Variants in TGFA observed in about 807,000 individuals in gnomAD.
The protein encoded by TGFA is transforming growth factor alpha.
Under a neutral mutation model 21.7 loss-of-function variants are expected in TGFA, and 12 were observed. That is an observed-to-expected ratio of 0.55 (90% CI 0.35 to 0.90). TGFA has a LOEUF of 0.90. TGFA is among the 40% of genes least tolerant of loss of function. The pLI is 0.01. For synonymous variants in TGFA, 79 were observed against 88.1 expected (o/e 0.90, Z 0.58); for missense variants, 178 against 210.8 (o/e 0.84, Z 0.96).
intron 1 of TGFA, among the ~76,000 whole-genome samples, chr2:70,538,669 A>G (rs985844612): frequency 6.6e-6 from 1 of 152,234 alleles, no homozygotes; most frequent in Admixed American, 6.5e-5. Context: ...ATAAAATTTG[A>G]ACAGATGTAG....
chr2:70,552,765 G>T (rs552821681), intron 1 of TGFA, among the ~76,000 whole-genome samples: 53 of 152,344 alleles, frequency 3.5e-4, no homozygotes, highest in African/African-American at 1.3e-3. Flanking sequence ...ACCCTGCAGC[G>T]AGCCGCATGC....
intron 1 of TGFA, among the ~76,000 whole-genome samples, chr2:70,530,350 A>C (rs1302854892): frequency 6.6e-6 from 1 of 152,228 alleles, no homozygotes; most frequent in Non-Finnish European, 1.5e-5. Context: ...CCTGGAATGA[A>C]GGCTTTGTCC....
chr2:70,492,624 C>T (rs572552699), intron 2 of TGFA, among the ~76,000 whole-genome samples: 2 of 152,338 alleles, frequency 1.3e-5, no homozygotes, highest in African/African-American at 4.8e-5. Context: ...TTTCTTCTCT[C>T]ACTGTATGAG....
Position 70,453,318 on chromosome 2 carries a change from C to T in TGFA, c.375G>A (p.Gln125=). ...GGCACCACTCACAGTGTTTTCGGAC[C>T]TGGCAGCAGCTGCAAAGACACAGAG... is the stretch of plus-strand genomic sequence containing the variant. The part of the protein sequence containing the change: ...IITCVLIHCC[Q]VRKHCEWCRA... Residue 125 remains glutamine (Q), a synonymous_variant, in exon 5 of 6, where the codon CAG becomes CAA. Coordinates refer to ENST00000295400, the MANE Select transcript of TGFA (RefSeq NM_003236.4). 1 of 1,613,296 alleles carries T rather than the reference C, an allele frequency of 6.2e-7. No individual in the cohort carries two copies.
At chr2:70,470,813 C>A (rs1553493065) in intron 2 of TGFA, among the ~76,000 whole-genome samples, 1 of 152,098 alleles carries the variant, frequency 6.6e-6, no homozygotes, top group Admixed American at 6.5e-5. Context: ...ATGAAGGGAG[C>A]TTGATGCTAG....
chr2:70,535,618 A>C (rs1553504264), intron 1 of TGFA, among the ~76,000 whole-genome samples: 1 of 152,252 alleles, frequency 6.6e-6, no homozygotes, highest in African/African-American at 2.4e-5. Flanking sequence ...GATAGCATAG[A>C]TATTCCACAT....
chr2:70,496,301 A>T (rs545162625), intron 2 of TGFA, among the ~76,000 whole-genome samples: 94 of 152,328 alleles, frequency 6.2e-4, no homozygotes, highest in Non-Finnish European at 9.8e-4. Context: ...CTCAAGGCAG[A>T]TCTCCACAGC....
chr2:70,456,312 C>G, intron 4 of TGFA, 27 bp downstream of exon 4: 1 of 1,533,096 alleles, frequency 6.5e-7, no homozygotes, highest in Non-Finnish European at 8.8e-7. Context: ...GGCAGGGGAC[C>G]TGGCCTTAGG....
chr2:70,520,422 G>A (rs1044258679), intron 1 of TGFA, among the ~76,000 whole-genome samples: 1 of 151,982 alleles, frequency 6.6e-6, no homozygotes, highest in Non-Finnish European at 1.5e-5. Flanking sequence ...GGCAGAGGAG[G>A]AGAATTGTTT....
chr2:70,515,120 T>C (rs2103856008), intron 1 of TGFA, among the ~76,000 whole-genome samples: 1 of 152,298 alleles, frequency 6.6e-6, no homozygotes, highest in African/African-American at 2.4e-5. Flanking sequence ...AAAATGCCCA[T>C]GAAAAGCACT....
intron 3 of TGFA, among the ~76,000 whole-genome samples, chr2:70,459,169 A>T (rs2103678252): frequency 6.6e-6 from 1 of 152,346 alleles, no homozygotes; most frequent in Middle Eastern, 3.4e-3. Flanking sequence ...GAGGGATTCT[A>T]GCACCTCACC....
intron 1 of TGFA, among the ~76,000 whole-genome samples, chr2:70,525,315 G>A (rs1672600660): frequency 6.6e-6 from 1 of 152,110 alleles, no homozygotes; most frequent in South Asian, 2.1e-4. Context: ...TCAGATCAAT[G>A]CAGCATCAGC....
chr2:70,521,293 C>T (rs1413219598), intron 1 of TGFA, among the ~76,000 whole-genome samples: 7 of 152,144 alleles, frequency 4.6e-5, no homozygotes, highest in Admixed American at 4.6e-4. Flanking sequence ...TCCACCCATT[C>T]CCTCCTGTCA....
chr2:70,473,723 T>C (rs149904697), intron 2 of TGFA, among the ~76,000 whole-genome samples: 1 of 152,204 alleles, frequency 6.6e-6, no homozygotes, highest in East Asian at 1.9e-4. Context: ...AATATAATTA[T>C]GCAACTCATT....
intron 1 of TGFA, among the ~76,000 whole-genome samples, chr2:70,547,309 T>C (rs1042464304): frequency 3.3e-5 from 5 of 152,128 alleles, no homozygotes; most frequent in African/African-American, 9.7e-5. Flanking sequence ...AAAAAATGTT[T>C]GTTGGCTGGG....
rs1553492067 is a variant in TGFA at position 70,465,622 on chromosome 2, G to A, written c.209C>T (p.Ala70Val). 1 of 1,614,136 alleles carries A rather than the reference G, an allele frequency of 6.2e-7. No individual in the cohort carries two copies. The highest frequency in any genetic ancestry group is 8.5e-7 in the Non-Finnish European group (1 of 1,180,004). Residue 70 changes from alanine (A) to valine (V), a missense_variant, in exon 3 of 6, where the codon GCA becomes GTA. Transcript: ENST00000295400. ...CRFLVQEDKP[A>V]CVCHSGYVGA... ...GAGAACAGGGGATACTTACACACAT[G>A]CTGGCTTGTCCTCCTGCACCAAAAA...
Position 70,553,739 on chromosome 2 carries a change from AG to A in TGFA, c.28del (p.Leu10CysfsTer21). The A allele has an allele frequency of 7.5e-7, 1 of 1,327,696 alleles. No individual in the cohort carries two copies. The highest frequency in any genetic ancestry group is 9.7e-7 in the Non-Finnish European group (1 of 1,034,054). The allele number at this position is 1,327,696 out of a possible 1,614,324, so 82.2% of individuals were successfully genotyped here. On this transcript the variant is annotated frameshift_variant, in exon 1 of 6. Transcript: ENST00000295400. LOFTEE classifies it high-confidence loss of function. MVPSAGQLALFALGIVLAAC... is the reference protein window; with the variant it reads MVPSAGQLAXFALGIVLAAC... Reference sequence around the variant, plus strand: ...GCCGGCGTACGTACCCAGAGCGAACAGGGCGAGCTGTCCAGCCGAGGGGACC... The same window carrying A: ...GCCGGCGTACGTACCCAGAGCGAACAGGCGAGCTGTCCAGCCGAGGGGACC...
Position 70,470,037 on chromosome 2 carries a change from G to T in TGFA, c.95-4301C>A, listed in dbSNP as rs187366302. Among the ~76,000 whole-genome samples the T allele has an allele frequency of 1.6e-3, 240 of 152,024 alleles. 3 individuals carry two copies. The highest frequency in any genetic ancestry group is 1.5e-3 in the Non-Finnish European group (103 of 67,892). ...GCAAACGAGAAACAAGTGTGTGTGG[G>T]AGAAACAGCGAGAAGGAGAGAGACG... On this transcript the variant is annotated intron_variant, in intron 2 of 5. Transcript: ENST00000295400.
intron 1 of TGFA, among the ~76,000 whole-genome samples, chr2:70,518,621 C>T (rs1432027010): frequency 6.6e-6 from 1 of 152,160 alleles, no homozygotes; most frequent in Admixed American, 6.5e-5. Context: ...AGCAGGATAC[C>T]CCCACTCCAA....
Sources: gnomAD v4.1 joint callset for allele counts (sites outside exome capture counted in the v4.1 genomes callset) on GRCh38, gnomAD v4.1.1 for gene constraint, MANE v1.5 for transcripts, NCBI Gene and HGNC (gene_info 2026-07-23, HGNC 2026-07-21) for gene names.